Variants in ABCC4 observed in about 807,000 individuals in gnomAD.
The protein encoded by ABCC4 is ATP binding cassette subfamily C member 4 (PEL blood group).
In ABCC4, 102 loss-of-function variants were observed where a neutral mutation model predicts 168.5. That is an observed-to-expected ratio of 0.61 (90% CI 0.52 to 0.71). The LOEUF (loss-of-function observed/expected upper bound fraction) is 0.71. Ranked by LOEUF, ABCC4 falls within the 30% of genes least tolerant of loss-of-function variation. ABCC4 has a pLI of 0.00. For synonymous variants in ABCC4, 617 were observed against 590.7 expected (o/e 1.04, Z -0.65); for missense variants, 1,402 against 1,605.8 (o/e 0.87, Z 2.17).
intron 27 of ABCC4, among the ~76,000 whole-genome samples, chr13:95,048,555 C>A: frequency 6.6e-6 from 1 of 152,150 alleles, no homozygotes. Flanking sequence ...TAAGTGTGAA[C>A]GAAGCGAGCG....
intron 19 of ABCC4, among the ~76,000 whole-genome samples, chr13:95,121,829 C>A (rs1317318236): frequency 1.3e-5 from 2 of 152,116 alleles, no homozygotes; most frequent in African/African-American, 4.8e-5. Flanking sequence ...CCTTCTCTGC[C>A]CTTCCCCTCT....
At chr13:95,278,806 GAA>G (rs71113905) in intron 1 of ABCC4, among the ~76,000 whole-genome samples, 3,593 of 33,974 alleles carry the variant, frequency 0.11, 43 homozygotes, top group Middle Eastern at 0.21. Flanking sequence ...CCCTGTCTCG[GAA>G]AAAAAAAAAA....
chr13:95,286,355 G>A (rs959106337), intron 1 of ABCC4, among the ~76,000 whole-genome samples: 6 of 151,782 alleles, frequency 4.0e-5, no homozygotes, highest in African/African-American at 1.5e-4. Context: ...CCTGACCTCA[G>A]GTGATCCGCC....
At chr13:95,046,166 A>T (rs1289162590) in intron 27 of ABCC4, among the ~76,000 whole-genome samples, 1 of 152,194 alleles carries the variant, frequency 6.6e-6, no homozygotes, top group Non-Finnish European at 1.5e-5. Flanking sequence ...GATGGAACTG[A>T]TCAAAAGTAG....
At chr13:95,078,850 A>G (rs1448817251) in intron 21 of ABCC4, among the ~76,000 whole-genome samples, 1 of 152,192 alleles carries the variant, frequency 6.6e-6, no homozygotes, top group Admixed American at 6.5e-5. Flanking sequence ...ATGGGGACAG[A>G]GTCCTGGAAT....
chr13:95,186,134 T>C (rs750577176), intron 11 of ABCC4, among the ~76,000 whole-genome samples: 5 of 151,264 alleles, frequency 3.3e-5, no homozygotes, highest in Non-Finnish European at 5.9e-5. Context: ...AGCCGGTTGA[T>C]GATAGCAAGA....
chr13:95,169,151 G>A lies in ABCC4; in HGVS notation c.1824+1381C>T, dbSNP rs183473282. On this transcript the variant is annotated intron_variant, in intron 14 of 30. Transcript: ENST00000645237. ...TTCTCCCCTGAAGCCTTCAGAGAGC[G>A]CGGCCCTGCGGACACCTTGATTTTG... Among the ~76,000 whole-genome samples, 30 of 152,262 alleles carry A rather than the reference G, an allele frequency of 2.0e-4. No individual in the cohort carries two copies. The East Asian group carries it at 2.5e-3, about 13-fold the overall frequency.
chr13:95,161,715 G>A (rs1269723018), intron 18 of ABCC4: 1 of 153,804 alleles, frequency 6.5e-6, no homozygotes, highest in African/African-American at 2.4e-5. Flanking sequence ...AAGGTGGTAT[G>A]TTTTGATACC....
rs911342361 is a variant in ABCC4 at position 95,140,929 on chromosome 13, C to T, written c.2455+20260G>A. Among the ~76,000 whole-genome samples the T allele has an allele frequency of 5.3e-5, 8 of 152,322 alleles. 1 individual carries two copies. The South Asian group carries it at 8.3e-4, about 16-fold the overall frequency. On this transcript the variant is annotated intron_variant, in intron 19 of 30. Transcript: ENST00000645237. ...ATTATGGGAAAATCAGGCTTCTGCA[C>T]GACATCAAAGTCCTTGCAGACCATG... is the stretch of plus-strand genomic sequence containing the variant.
intron 1 of ABCC4, among the ~76,000 whole-genome samples, chr13:95,268,255 G>T (rs866112606): frequency 1.3e-5 from 2 of 152,176 alleles, no homozygotes; most frequent in Non-Finnish European, 2.9e-5. Flanking sequence ...TGAAGACAGC[G>T]TGCTTCTTAA....
intron 25 of ABCC4, among the ~76,000 whole-genome samples, chr13:95,070,785 C>T (rs2619312): frequency 0.76 from 115,827 of 152,038 alleles, 44,605 homozygotes; most frequent in South Asian, 0.9. Flanking sequence ...GAGCTGGCCA[C>T]GTAAGGATCA....
chr13:95,237,733 C>G (rs2039814386), intron 3 of ABCC4, among the ~76,000 whole-genome samples: 1 of 152,096 alleles, frequency 6.6e-6, no homozygotes, highest in Non-Finnish European at 1.5e-5. Flanking sequence ...TGCTCCTGCT[C>G]CCCCACGCAC....
intron 20 of ABCC4, among the ~76,000 whole-genome samples, chr13:95,101,929 C>G (rs568745453): frequency 2.0e-5 from 3 of 152,162 alleles, no homozygotes; most frequent in African/African-American, 7.2e-5. Flanking sequence ...ATTTAGTGAG[C>G]TTAGATGTTA....
At chr13:95,157,130 A>ACACAC (rs1491329836) in intron 19 of ABCC4, among the ~76,000 whole-genome samples, 1 of 125,454 alleles carries the variant, frequency 8.0e-6, no homozygotes, top group Admixed American at 7.5e-5. Flanking sequence ...ACACACACAC[A>ACACAC]AACAGTCACC....
chr13:95,231,591 A>C (rs1318717490), intron 4 of ABCC4, among the ~76,000 whole-genome samples: 1 of 152,174 alleles, frequency 6.6e-6, no homozygotes, highest in Non-Finnish European at 1.5e-5. Flanking sequence ...CCCACGTGTG[A>C]GGAGGAAGTG....
At chr13:95,059,042 G>T (rs1440650361) in intron 26 of ABCC4, among the ~76,000 whole-genome samples, 1 of 152,240 alleles carries the variant, frequency 6.6e-6, no homozygotes, top group Non-Finnish European at 1.5e-5. Flanking sequence ...GTAATATCGT[G>T]TTGTGAGACT....
At chr13:95,288,145 G>A (rs2041308413) in intron 1 of ABCC4, among the ~76,000 whole-genome samples, 1 of 152,002 alleles carries the variant, frequency 6.6e-6, no homozygotes, top group South Asian at 2.1e-4. Flanking sequence ...TCATAGAATA[G>A]GATACTGAAG....
intron 20 of ABCC4, among the ~76,000 whole-genome samples, chr13:95,098,586 A>C (rs2034690141): frequency 6.6e-6 from 1 of 152,218 alleles, no homozygotes; most frequent in South Asian, 2.1e-4. Flanking sequence ...AAGACGAAAT[A>C]AGCAAATGTA....
rs1394530639 is a variant in ABCC4, at chr13:95,291,009, A to AAAAAAAAAAAAAAAAG, written c.74+10231_74+10232insCTTTTTTTTTTTTTTT. Reference sequence around the variant, plus strand: ...CAAGACCCTGTCTCAAAAAAAAAAAAAGAGGAAACCATGCCAAATGACTTT... The same window carrying AAAAAAAAAAAAAAAAG: ...CAAGACCCTGTCTCAAAAAAAAAAAAAAAAAAAAAAAAAAAGAGAGGAAACCATGCCAAATGACTTT... On this transcript the variant is annotated intron_variant, in intron 1 of 30. Coordinates refer to ENST00000645237, the MANE Select transcript of ABCC4 (RefSeq NM_005845.5). 3.5e-3 allele frequency among the ~76,000 whole-genome samples: 432 copies of AAAAAAAAAAAAAAAAG among 123,348 alleles called. 12 individuals are homozygous for AAAAAAAAAAAAAAAAG. Among genetic ancestry groups the AAAAAAAAAAAAAAAAG allele is most frequent in the Middle Eastern group, 0.01 (2 of 200 alleles). 80.9% of individuals were successfully genotyped at this position (123,348 alleles called of 152,430 possible).
Sources: allele counts gnomAD v4.1 joint callset (sites outside exome capture counted in the v4.1 genomes callset), GRCh38; gene constraint gnomAD v4.1.1; transcripts MANE v1.5; gene names NCBI Gene and HGNC (gene_info 2026-07-23, HGNC 2026-07-21).